Variants in CIB4 observed in about 807,000 individuals in gnomAD.
The protein encoded by CIB4 is calcium and integrin binding family member 4, also known as calcium and integrin-binding family member 4.
A neutral mutation model predicts 25.8 loss-of-function variants in CIB4; 25 were observed. That is an observed-to-expected ratio of 0.97 (90% CI 0.71 to 1.35). The LOEUF is 1.35. Ranked by LOEUF, CIB4 falls within the 40% of genes most tolerant of loss-of-function variation. The pLI is 0.00. For missense variants in CIB4, 235 were observed against 228.2 expected (o/e 1.03, Z -0.19); for synonymous variants, 75 against 81.4 (o/e 0.92, Z 0.42).
chr2:26,626,679 T>C (rs1669312369), intron 3 of CIB4, among the ~76,000 whole-genome samples: 1 of 152,154 alleles, frequency 6.6e-6, no homozygotes, highest in South Asian at 2.1e-4. Flanking sequence ...CCAGTTGCTC[T>C]CCAGTGAGCA....
intron 2 of CIB4, among the ~76,000 whole-genome samples, chr2:26,633,177 G>A (rs535792886): frequency 2.0e-5 from 3 of 152,284 alleles, no homozygotes; most frequent in South Asian, 4.1e-4. Context: ...ACCAAAGCTC[G>A]TTCCCCAGGA....
At chr2:26,605,041 C>T (rs989998565) in intron 3 of CIB4, among the ~76,000 whole-genome samples, 1 of 152,020 alleles carries the variant, frequency 6.6e-6, no homozygotes, top group African/African-American at 2.4e-5. Flanking sequence ...AAACCAATCT[C>T]AATGAATTTA....
intron 4 of CIB4, among the ~76,000 whole-genome samples, chr2:26,589,391 A>G (rs1668544347): frequency 6.6e-6 from 1 of 151,602 alleles, no homozygotes; most frequent in South Asian, 2.1e-4. Flanking sequence ...GCACAATCTC[A>G]GCTCACTGCA....
chr2:26,585,082 C>A (rs1362046291), intron 4 of CIB4, among the ~76,000 whole-genome samples: 2 of 152,186 alleles, frequency 1.3e-5, no homozygotes, highest in Non-Finnish European at 2.9e-5. Context: ...GTCCACCTGA[C>A]CCTATTTCCC....
intron 3 of CIB4, among the ~76,000 whole-genome samples, chr2:26,615,794 C>A (rs560933571): frequency 6.6e-6 from 1 of 152,384 alleles, no homozygotes; most frequent in South Asian, 2.1e-4. Flanking sequence ...CTGCCTCCTA[C>A]ATCACTGAGC....
At chr2:26,597,311 G>C (rs1313617076) in intron 3 of CIB4, among the ~76,000 whole-genome samples, 1 of 152,008 alleles carries the variant, frequency 6.6e-6, no homozygotes, top group Non-Finnish European at 1.5e-5. Context: ...ACAATTACTA[G>C]CTTAATTTCA....
chr2:26,604,669 A>G (rs1668855969), intron 3 of CIB4, among the ~76,000 whole-genome samples: 1 of 152,220 alleles, frequency 6.6e-6, no homozygotes, highest in Admixed American at 6.5e-5. Flanking sequence ...GCTACAAAAA[A>G]TATAAAAGGA....
intron 3 of CIB4, among the ~76,000 whole-genome samples, chr2:26,619,748 C>T (rs1460431155): frequency 2.0e-5 from 3 of 151,876 alleles, no homozygotes; most frequent in Non-Finnish European, 4.4e-5. Flanking sequence ...CCCCGATCTC[C>T]ATCCCGGAAT....
chr2:26,608,395 G>T (rs1189061118), intron 3 of CIB4, among the ~76,000 whole-genome samples: 1 of 152,156 alleles, frequency 6.6e-6, no homozygotes, highest in Non-Finnish European at 1.5e-5. Flanking sequence ...GAGTCCCACA[G>T]GGAATTTGAA....
intron 2 of CIB4, among the ~76,000 whole-genome samples, chr2:26,635,517 T>C (rs1183878029): frequency 6.6e-6 from 1 of 152,218 alleles, no homozygotes. Flanking sequence ...ATGACACCAA[T>C]AGGAAAATCA....
intron 3 of CIB4, among the ~76,000 whole-genome samples, chr2:26,616,944 T>C (rs1168924771): frequency 6.6e-5 from 10 of 151,758 alleles, no homozygotes; most frequent in Non-Finnish European, 1.5e-5. Context: ...CTCTAAAGGA[T>C]TGGAAGGTGA....
At chr2:26,622,334 C>T (rs761851222) in intron 3 of CIB4, among the ~76,000 whole-genome samples, 3 of 151,948 alleles carry the variant, frequency 2.0e-5, no homozygotes, top group African/African-American at 4.8e-5. Flanking sequence ...GTACTCCAGC[C>T]TGGGCGACAA....
intron 3 of CIB4, among the ~76,000 whole-genome samples, chr2:26,601,231 AATATATATATATATATATAT>A (rs1165155834): frequency 5.8e-5 from 1 of 17,238 alleles, no homozygotes; most frequent in South Asian, 1.5e-3. Context: ...AAAAAAAAAA[AATATATATATATATATATAT>A]ATATATATAT....
Position 26,640,033 on chromosome 2 carries a change from G to C in CIB4, c.89+500C>G, listed in dbSNP as rs568407612. 5.6e-3 allele frequency among the ~76,000 whole-genome samples: 844 copies of C among 151,954 alleles called. 4 individuals are homozygous for C. Among genetic ancestry groups the C allele is most frequent in the African/African-American group, 0.02 (819 of 41,420 alleles). ...AGCGGTCCGCATGACAACAGGGAGC[G>C]GGGCTGCTCACCACCCCACCCTCAG... On this transcript the variant is annotated intron_variant, in intron 2 of 6. Coordinates refer to ENST00000288861, the MANE Select transcript of CIB4 (RefSeq NM_001029881.3).
rs552379103 is a variant in CIB4 at position 26,638,728 on chromosome 2, G to A, written c.89+1805C>T. On this transcript the variant is annotated intron_variant, in intron 2 of 6. Transcript: ENST00000288861. ...AGCACTTTGGGATGCCAAGGTGGGA[G>A]GATCACTGGAGGTCAGGAGTTTGAG... Among the ~76,000 whole-genome samples the A allele has an allele frequency of 3.3e-5, 5 of 152,334 alleles. No individual in the cohort carries two copies. The East Asian group carries it at 9.6e-4, about 29-fold the overall frequency.
chr2:26,593,703 T>C (rs1324721848), intron 4 of CIB4, among the ~76,000 whole-genome samples: 2 of 152,222 alleles, frequency 1.3e-5, no homozygotes, highest in African/African-American at 4.8e-5. Flanking sequence ...CTCCAAAGAT[T>C]GCTGAATTTT....
At chr2:26,585,831 T>C (rs778950323) in intron 4 of CIB4, among the ~76,000 whole-genome samples, 14 of 152,046 alleles carry the variant, frequency 9.2e-5, no homozygotes, top group Non-Finnish European at 1.2e-4. Context: ...GTCCCTCATA[T>C]GCTACCTGTC....
At chr2:26,633,395 A>T (rs1030681977) in intron 2 of CIB4, among the ~76,000 whole-genome samples, 5 of 152,234 alleles carry the variant, frequency 3.3e-5, no homozygotes, top group African/African-American at 9.6e-5. Flanking sequence ...AAGGTTATAC[A>T]GCTGGGAAGA....
At position 26,582,842 on chromosome 2, in the gene CIB4, C is replaced by CT. The variant is rs776085882; in HGVS notation, c.509dup (p.Ser171ValfsTer18). On this transcript the variant is annotated frameshift_variant, in exon 6 of 7. Transcript: ENST00000288861. LOFTEE classifies it high-confidence loss of function. ...TGCCTTACTTCATGAAATCTGGAGA[C>CT]TTGGCCATTGCATGTTCAAACTCTG... is the stretch of plus-strand genomic sequence containing the variant. 6.2e-7 allele frequency: 1 copy of CT among 1,612,620 alleles called. No individual in the cohort carries two copies. Among genetic ancestry groups the CT allele is most frequent in the Non-Finnish European group, 8.5e-7 (1 of 1,178,684 alleles).
Sources: allele counts gnomAD v4.1 joint callset (sites outside exome capture counted in the v4.1 genomes callset), GRCh38; gene constraint gnomAD v4.1.1; transcripts MANE v1.5; gene names NCBI Gene and HGNC (gene_info 2026-07-23, HGNC 2026-07-21).